Variants in HSDL2 observed in about 807,000 individuals in gnomAD.
HSDL2 encodes the protein hydroxysteroid dehydrogenase like 2.
Under a neutral mutation model 46.3 loss-of-function variants are expected in HSDL2, and 27 were observed. The observed-to-expected ratio is 0.58, with a 90% CI of 0.43 to 0.80. HSDL2 has a LOEUF of 0.80. HSDL2 is among the 30% of genes least tolerant of loss of function. The pLI is 0.00. For missense variants in HSDL2, 451 were observed against 502.7 expected, an observed-to-expected ratio of 0.90 and a Z score of 0.98; for synonymous variants, 153 against 163.6, an observed-to-expected ratio of 0.94 and a Z score of 0.50.
intron 6 of HSDL2, among the ~76,000 whole-genome samples, chr9:112,432,983 G>A (rs1035256850): frequency 2.0e-5 from 3 of 151,616 alleles, no homozygotes; most frequent in South Asian, 4.2e-4. Context: ...CCACATTGGC[G>A]AGGGTGCTCT....
In HSDL2 at chr9:112,380,158, A is replaced by G; in HGVS notation, c.-6A>G. The G allele has an allele frequency of 6.4e-7, 1 of 1,572,598 alleles. No homozygotes were observed. The highest frequency in any genetic ancestry group is 8.6e-7 in the Non-Finnish European group (1 of 1,158,216). On this transcript the variant is annotated 5_prime_UTR_variant, in exon 1 of 11. Transcript: ENST00000398805. ...TCGCCGCCACCTCCTCTGATCTACG[A>G]AAGTCATGTTACCCAACACCGGGTA...
At chr9:112,396,793 C>T (rs777398417) in intron 1 of HSDL2, among the ~76,000 whole-genome samples, 7 of 152,110 alleles carry the variant, frequency 4.6e-5, no homozygotes, top group Non-Finnish European at 8.8e-5. Flanking sequence ...CCACCCCGCC[C>T]CCTACTGTGG....
intron 1 of HSDL2, among the ~76,000 whole-genome samples, chr9:112,395,253 G>A (rs756777241): frequency 2.0e-5 from 3 of 152,092 alleles, no homozygotes; most frequent in African/African-American, 4.8e-5. Context: ...CTGAGGAGTC[G>A]GCACAGATCT....
At chr9:112,397,935 A>G (rs58515578) in intron 1 of HSDL2, among the ~76,000 whole-genome samples, 72,607 of 151,980 alleles carry the variant, frequency 0.48, 17,759 homozygotes, top group Admixed American at 0.55. Flanking sequence ...AGATTCCAGC[A>G]CGACCGGATA....
At chr9:112,431,452 AGAG>A (rs1396392030) in intron 6 of HSDL2, among the ~76,000 whole-genome samples, 3 of 152,158 alleles carry the variant, frequency 2.0e-5, no homozygotes, top group Non-Finnish European at 4.4e-5. Flanking sequence ...GGAAGATGAA[AGAG>A]GAGATGAAAG....
chr9:112,412,808 T>C (rs929799628), intron 4 of HSDL2, among the ~76,000 whole-genome samples: 2 of 152,106 alleles, frequency 1.3e-5, no homozygotes, highest in Admixed American at 6.6e-5. Flanking sequence ...GAAGGTGCAA[T>C]TAAAAACAAA....
intron 6 of HSDL2, among the ~76,000 whole-genome samples, chr9:112,422,092 ACTT>A (rs1357111091): frequency 6.6e-6 from 1 of 152,152 alleles, no homozygotes; most frequent in East Asian, 1.9e-4. Context: ...GACCTCAGAG[ACTT>A]CTTCAAGTCC....
chr9:112,398,984 C>T (rs1468483025), intron 1 of HSDL2, among the ~76,000 whole-genome samples: 1 of 152,116 alleles, frequency 6.6e-6, no homozygotes, highest in Non-Finnish European at 1.5e-5. Flanking sequence ...TGTCAGGGAG[C>T]CGAACAAGCG....
intron 4 of HSDL2, among the ~76,000 whole-genome samples, chr9:112,416,557 C>A (rs1277183883): frequency 6.7e-6 from 1 of 150,004 alleles, no homozygotes. Flanking sequence ...GGTTCAAGAC[C>A]AGCCTGGGCA....
intron 9 of HSDL2, among the ~76,000 whole-genome samples, chr9:112,458,341 T>C (rs1191493365): frequency 9.3e-5 from 14 of 151,146 alleles, no homozygotes; most frequent in Admixed American, 8.6e-4. Context: ...TTTTTTCTTT[T>C]GAGACGGAGT....
intron 8 of HSDL2, among the ~76,000 whole-genome samples, chr9:112,453,097 T>C (rs530410766): frequency 6.6e-6 from 1 of 152,124 alleles, no homozygotes; most frequent in Non-Finnish European, 1.5e-5. Flanking sequence ...TTTTACATGA[T>C]CTCTACTTAA....
intron 6 of HSDL2, among the ~76,000 whole-genome samples, chr9:112,437,139 T>C (rs1832545950): frequency 6.6e-6 from 1 of 151,972 alleles, no homozygotes; most frequent in South Asian, 2.1e-4. Context: ...TTTGTATTTT[T>C]AGTAGAGATG....
chr9:112,393,960 G>A (rs1831402600), intron 1 of HSDL2, among the ~76,000 whole-genome samples: 1 of 152,210 alleles, frequency 6.6e-6, no homozygotes, highest in South Asian at 2.1e-4. Flanking sequence ...CGTTGATACT[G>A]AGGGAGAGGA....
Position 112,401,992 on chromosome 9 carries a change from CT to C in HSDL2, c.18-2000del, listed in dbSNP as rs531167110. 6.6e-5 allele frequency among the ~76,000 whole-genome samples: 10 copies of C among 152,286 alleles called. No individual in the cohort carries two copies. The South Asian group carries it at 1.2e-3, about 19-fold the overall frequency. On this transcript the variant is annotated intron_variant, in intron 1 of 10. Coordinates refer to ENST00000398805, the MANE Select transcript of HSDL2 (RefSeq NM_032303.5). ...CGCTTCCCACTTTTACCTCTGATCT[CT>C]TTCTTCTGGAGTGTAATCCTCTGGG... is the stretch of plus-strand genomic sequence containing the variant.
In HSDL2 at chr9:112,470,648, T is replaced by C. The variant is rs915752119; in HGVS notation, c.*104T>C. 41 of 614,682 alleles carry C rather than the reference T, an allele frequency of 6.7e-5. No homozygotes were observed. Among genetic ancestry groups the C allele is most frequent in the Non-Finnish European group, 1.1e-4 (38 of 357,406 alleles). 38.1% of individuals were successfully genotyped at this position (614,682 alleles called of 1,614,324 possible). A position where few individuals can be genotyped will look rare whatever the true frequency, so the allele number is the denominator to read the frequency against. The stretch of plus-strand genomic sequence containing the variant: ...TCTTTCCTGTTATATTATAAGGATA[T>C]GCACGTTTGTTCTGGAAAAGATAGA... On this transcript the variant is annotated 3_prime_UTR_variant, in exon 11 of 11. Coordinates refer to ENST00000398805, the MANE Select transcript of HSDL2 (RefSeq NM_032303.5).
intron 10 of HSDL2, among the ~76,000 whole-genome samples, chr9:112,465,292 C>T (rs985282772): frequency 1.3e-5 from 2 of 152,118 alleles, no homozygotes; most frequent in Non-Finnish European, 2.9e-5. Context: ...CCACGCCTGG[C>T]TAATTTTTGT....
chr9:112,385,768 C>T (rs1831205918), intron 1 of HSDL2, among the ~76,000 whole-genome samples: 2 of 151,774 alleles, frequency 1.3e-5, no homozygotes, highest in African/African-American at 4.8e-5. Context: ...GCTCGGATTA[C>T]AGGCGTAAGC....
At chr9:112,466,119 G>A (rs1190524566) in intron 10 of HSDL2, among the ~76,000 whole-genome samples, 2 of 152,028 alleles carry the variant, frequency 1.3e-5, no homozygotes, top group East Asian at 1.9e-4. Flanking sequence ...GCATCTTATT[G>A]TTTTGATTTG....
Position 112,468,874 on chromosome 9 carries a change from T to C in HSDL2, c.1145-1558T>C, listed in dbSNP as rs532247736. On this transcript the variant is annotated intron_variant, in intron 10 of 10. Coordinates refer to ENST00000398805, the MANE Select transcript of HSDL2 (RefSeq NM_032303.5). ...TATGGGCAAGGCTCTGCAAAGCTCA[T>C]TGGAAGATGTGTGTGAGTGGGGTGG... Among the ~76,000 whole-genome samples the C allele has an allele frequency of 2.6e-4, 39 of 152,274 alleles. No individual in the cohort carries two copies. The East Asian group carries it at 6.7e-3, about 26-fold the overall frequency.
Sources: allele counts gnomAD v4.1 joint callset (sites outside exome capture counted in the v4.1 genomes callset), GRCh38; gene constraint gnomAD v4.1.1; transcripts MANE v1.5; gene names NCBI Gene and HGNC (gene_info 2026-07-23, HGNC 2026-07-21).